Variants in SUPT6H observed in about 807,000 individuals in gnomAD.
SUPT6H encodes the protein transcription elongation factor SPT6.
A neutral mutation model predicts 222.3 loss-of-function variants in SUPT6H; 11 were observed. The ratio of observed to expected loss-of-function variants is 0.05; its 90% CI spans 0.03 to 0.08. The LOEUF (loss-of-function observed/expected upper bound fraction) is 0.08, where lower values mean the gene tolerates loss of function less well. SUPT6H is among the 10% of genes least tolerant of loss of function. The pLI is 1.00. For synonymous variants in SUPT6H, 762 were observed against 801.2 expected, an observed-to-expected ratio of 0.95 and a Z score of 0.83; for missense variants, 1,422 against 2,216.0, an observed-to-expected ratio of 0.64 and a Z score of 7.19.
At chr17:28,691,179 CAAAG>C (rs1175865414) in intron 27 of SUPT6H, 116 bp downstream of exon 27, 23 of 1,356,784 alleles carry the variant, frequency 1.7e-5, no homozygotes, top group Middle Eastern at 3.7e-4. Flanking sequence ...AACAAGTACA[CAAAG>C]AAGGAAGACG....
intron 32 of SUPT6H, 36 bp from the exon 33 acceptor site, chr17:28,699,745 G>C: frequency 6.3e-7 from 1 of 1,576,918 alleles, no homozygotes; most frequent in Non-Finnish European, 8.7e-7. Flanking sequence ...TGGGTCCCAA[G>C]TGGTTTCTGA....
intron 1 of SUPT6H, chr17:28,670,977 T>C (rs1032391511): frequency 6.6e-6 from 1 of 152,214 alleles, no homozygotes; most frequent in Non-Finnish European, 1.5e-5. Context: ...GTTAGGTTTG[T>C]GGAAAGAATG....
chr17:28,689,321 C>T (rs1374828027), intron 24 of SUPT6H, 33 bp from the exon 25 acceptor site: 4 of 1,609,706 alleles, frequency 2.5e-6, no homozygotes, highest in African/African-American at 1.3e-5. Context: ...GCTTATCGTT[C>T]TATATCCTGT....
intron 27 of SUPT6H, among the ~76,000 whole-genome samples, chr17:28,693,088 C>G (rs138032185): frequency 1.3e-5 from 2 of 151,910 alleles, no homozygotes; most frequent in South Asian, 2.1e-4. Context: ...AAGGATCACT[C>G]GAGCCTGGGA....
chr17:28,663,504 A>G (rs1295033720), intron 1 of SUPT6H, among the ~76,000 whole-genome samples: 1 of 152,142 alleles, frequency 6.6e-6, no homozygotes, highest in African/African-American at 2.4e-5. Context: ...TGTGGTGGAA[A>G]CATGATCTTT....
intron 7 of SUPT6H, among the ~76,000 whole-genome samples, chr17:28,677,417 C>T (rs1182404816): frequency 6.6e-6 from 1 of 150,900 alleles, no homozygotes; most frequent in African/African-American, 2.4e-5. Context: ...TGGTGGCGGG[C>T]ACCTATGATC....
Position 28,687,325 on chromosome 17 carries a change from C to G in SUPT6H, c.2860C>G (p.Leu954Val), listed in dbSNP as rs902307330. ...ACAGGAGCATGTGGTGAAAGAGGAG[C>G]TGCTCAACGCCTTGTACTGTGAATT... ...PLQEHVVKEELLNALYCEFIN... is the reference protein window; with the variant it reads ...PLQEHVVKEEVLNALYCEFIN... Residue 954 changes from leucine (L) to valine (V), a missense_variant, in exon 23 of 37, where the codon CTG (leucine) becomes GTG (valine). Physicochemically the swap from Leu to Val is conservative, Grantham distance 32. Coordinates refer to ENST00000314616, the MANE Select transcript of SUPT6H (RefSeq NM_003170.5). The G allele has an allele frequency of 6.2e-7, 1 of 1,614,162 alleles. No individual in the cohort carries two copies. Among genetic ancestry groups the G allele is most frequent in the Non-Finnish European group, 8.5e-7 (1 of 1,180,034 alleles).
chr17:28,677,279 A>C (rs1273527001), intron 7 of SUPT6H, among the ~76,000 whole-genome samples: 1 of 151,104 alleles, frequency 6.6e-6, no homozygotes, highest in Non-Finnish European at 1.5e-5. Flanking sequence ...GTTACTTGGG[A>C]GGTTGAGGCA....
Position 28,675,152 on chromosome 17 carries a change from TGAG to T in SUPT6H, c.532_534del (p.Glu178del). 2 of 1,610,128 alleles carry T rather than the reference TGAG, an allele frequency of 1.2e-6. No individual in the cohort carries two copies. The highest frequency in any genetic ancestry group is 1.3e-5 in the African/African-American group (1 of 74,512). On this transcript the variant is annotated inframe_deletion, in exon 5 of 37. Transcript: ENST00000314616. ...CTCCAGAGGAGGAGGAAGAAGATGA[TGAG>T]GAGTCAGGTATGTTATATTGGGCAG... is the stretch of plus-strand genomic sequence containing the variant.
chr17:28,676,734 T>C (rs1466870751), intron 7 of SUPT6H, among the ~76,000 whole-genome samples: 1 of 152,148 alleles, frequency 6.6e-6, no homozygotes, highest in Non-Finnish European at 1.5e-5. Flanking sequence ...AAGACCAGCC[T>C]GGGCAACATA....
intron 1 of SUPT6H, among the ~76,000 whole-genome samples, chr17:28,671,908 C>T (rs1408000716): frequency 6.6e-6 from 1 of 152,150 alleles, no homozygotes; most frequent in Non-Finnish European, 1.5e-5. Context: ...ATGTTTAGCC[C>T]GTAGGGTATG....
At chr17:28,692,008 ACCC>A (rs928705630) in intron 27 of SUPT6H, among the ~76,000 whole-genome samples, 1 of 151,180 alleles carries the variant, frequency 6.6e-6, no homozygotes, top group Non-Finnish European at 1.5e-5. Context: ...ACATAGCAAG[ACCC>A]CATCTCCTTT....
intron 27 of SUPT6H, chr17:28,691,983 A>C (rs1597714777): frequency 6.6e-6 from 1 of 152,394 alleles, no homozygotes; most frequent in African/African-American, 2.4e-5. Flanking sequence ...CAGGAGTTCG[A>C]GGCCAGCCTG....
At position 28,701,794 on chromosome 17, in the gene SUPT6H, G is replaced by A. The variant is rs1456679848; in HGVS notation, c.*169G>A. The A allele has an allele frequency of 3.7e-5, 26 of 698,044 alleles. No homozygotes were observed. In the South Asian group the frequency reaches 4.1e-4, roughly 11 times the overall value. 43.2% of individuals were successfully genotyped at this position (698,044 alleles called of 1,614,324 possible). ...AGGCTGGATGGCCTTGTGAACTTGA[G>A]CTCAGTGTATGCTAGGCAACAATTC... On this transcript the variant is annotated 3_prime_UTR_variant, in exon 37 of 37. Transcript: ENST00000314616.
chr17:28,687,718 A>C (rs191634500), intron 23 of SUPT6H, among the ~76,000 whole-genome samples: 13 of 152,120 alleles, frequency 8.5e-5, no homozygotes, highest in African/African-American at 1.9e-4. Flanking sequence ...GGGTTTCACC[A>C]TGTTGGCCAG....
chr17:28,678,057 C>CT lies in SUPT6H; in HGVS notation c.1000-16dup. ...CCAAGTAAACATTGTCTTGCTATTT[C>CT]TTTATTTTCCTACTGTAGGAAAGCT... On this transcript the variant is annotated intron_variant, in intron 8 of 36. Transcript: ENST00000314616. 1 of 1,607,056 alleles carries CT rather than the reference C, an allele frequency of 6.2e-7. No homozygotes were observed. The highest frequency in any genetic ancestry group is 8.5e-7 in the Non-Finnish European group (1 of 1,174,644).
rs199503369 is a variant in SUPT6H at position 28,684,664 on chromosome 17, T to C, written c.2308T>C (p.Phe770Leu). 1.2e-6 allele frequency: 2 copies of C among 1,614,192 alleles called. No individual in the cohort carries two copies. The highest frequency in any genetic ancestry group is 2.7e-5 in the African/African-American group (2 of 75,034). Reference sequence around the variant, plus strand: ...TCAGCAGGTGGAAGAAGATGACGACTTTATGGACGAGAACCAAGGGAAGGG... The same window carrying C: ...TCAGCAGGTGGAAGAAGATGACGACCTTATGGACGAGAACCAAGGGAAGGG... The part of the protein sequence containing the change: ...PDQQVEEDDD[F>L]MDENQGKGIR... Residue 770 changes from phenylalanine (F) to leucine (L), a missense_variant, in exon 18 of 37, where the codon TTT becomes CTT. By Grantham distance (22) the Phe-to-Leu change is conservative (BLOSUM62 0). Transcript: ENST00000314616.
At chr17:28,685,869 C>T (rs1370533148) in intron 19 of SUPT6H, among the ~76,000 whole-genome samples, 8 of 152,110 alleles carry the variant, frequency 5.3e-5, no homozygotes, top group Non-Finnish European at 1.2e-4. Flanking sequence ...ATGAAATAGC[C>T]ACAAAAGGAG....
At chr17:28,685,291 T>G (rs2031324468) in intron 19 of SUPT6H, among the ~76,000 whole-genome samples, 3 of 152,180 alleles carry the variant, frequency 2.0e-5, no homozygotes, top group African/African-American at 7.2e-5. Flanking sequence ...TTTTCCCTGC[T>G]TTAGCCTTTC....
Sources: allele counts gnomAD v4.1 joint callset (sites outside exome capture counted in the v4.1 genomes callset), GRCh38; gene constraint gnomAD v4.1.1; transcripts MANE v1.5; gene names NCBI Gene and HGNC (gene_info 2026-07-23, HGNC 2026-07-21).